RTL9: variants seen among roughly 807,000 people sequenced by gnomAD.
RTL9 encodes retrotransposon Gag like 9.
RTL9 carries 19 observed loss-of-function variants against 44.7 expected under a neutral mutation model. The observed-to-expected ratio is 0.42, with a 90% CI of 0.30 to 0.62. RTL9 has a LOEUF of 0.62. Ranked by LOEUF, RTL9 falls within the 20% of genes least tolerant of loss-of-function variation. The pLI, the probability that RTL9 is intolerant of heterozygous loss-of-function variation, is 0.16. For synonymous variants in RTL9, 407 were observed against 398.9 expected, an observed-to-expected ratio of 1.02 and a Z score of -0.24; for missense variants, 1,105 against 1,080.6, an observed-to-expected ratio of 1.02 and a Z score of -0.32.
chrX:110,393,496 C>G (rs2068508419), intron 1 of RTL9, among the ~76,000 whole-genome samples: 1 of 111,668 alleles, frequency 9.0e-6, no homozygotes, highest in Non-Finnish European at 1.9e-5. Flanking sequence ...GGTCACACAA[C>G]CAGGAAGAGC....
exon 1 of RTL9, chrX:110,454,536 A>T (rs1311536858): frequency 2.5e-6 from 3 of 1,211,875 alleles, no homozygotes; most frequent in Admixed American, 2.2e-5. Context: ...GTCTCTGTAC[A>T]CCGAGTGCCA....
At chrX:110,369,164 C>T (rs890012919) in intron 1 of RTL9, among the ~76,000 whole-genome samples, 1 of 110,933 alleles carries the variant, frequency 9.0e-6, no homozygotes, top group East Asian at 2.8e-4. Flanking sequence ...AACCCCGTCT[C>T]TACTAAAAAT....
At chrX:110,436,974 C>T (rs900769300) in intron 1 of RTL9, among the ~76,000 whole-genome samples, 1 of 112,033 alleles carries the variant, frequency 8.9e-6, no homozygotes, top group Non-Finnish European at 1.9e-5. Flanking sequence ...CCTTCTGGAC[C>T]CTGATCTCCC....
At chrX:110,388,291 T>C (rs1321905257) in intron 1 of RTL9, among the ~76,000 whole-genome samples, 1 of 112,217 alleles carries the variant, frequency 8.9e-6, no homozygotes, top group African/African-American at 3.2e-5. Context: ...TCAGGTGGTA[T>C]TTGTTATTGA....
At chrX:110,442,155 A>G (rs1176357670) in intron 1 of RTL9, among the ~76,000 whole-genome samples, 2 of 109,210 alleles carry the variant, frequency 1.8e-5, no homozygotes, top group Non-Finnish European at 3.8e-5. Context: ...CACGTGCCTC[A>G]CCTACAGGGA....
rs750543808 is a variant in RTL9 at position 110,452,931 on chromosome X, A to G, written c.2314A>G (p.Met772Val). 5.8e-6 allele frequency: 7 copies of G among 1,210,160 alleles called. No individual in the cohort carries two copies. The African/African-American group carries it at 1.0e-4, about 18-fold the overall frequency. ...CTCTGAAACAATGTCCACACCACTA[A>G]TGAGAACCTCAGACCCTGGAGAGAG... Residue 772 changes from methionine to valine, a missense_variant, in exon 1 of 2, where the codon ATG (methionine) becomes GTG (valine). Met to Val is a conservative substitution (Grantham distance 21, BLOSUM62 1). Transcript: ENST00000540313.
chrX:110,440,595 A>T (rs1316941754), intron 1 of RTL9, among the ~76,000 whole-genome samples: 1 of 111,855 alleles, frequency 8.9e-6, no homozygotes, highest in Non-Finnish European at 1.9e-5. Context: ...GGTCCTAAGG[A>T]TGCTGTTTTC....
chrX:110,428,716 G>C (rs138409767), intron 1 of RTL9, among the ~76,000 whole-genome samples: 1,475 of 111,171 alleles, frequency 0.013, 17 homozygotes, highest in African/African-American at 0.046. Context: ...TGGAATTCCA[G>C]ATCCTTCCTT....
intron 1 of RTL9, among the ~76,000 whole-genome samples, chrX:110,411,676 A>G (rs1222836665): frequency 8.9e-6 from 1 of 112,507 alleles, no homozygotes. Flanking sequence ...CATATAAACC[A>G]GGATAAAGTC....
chrX:110,410,932 T>C (rs774966409), intron 1 of RTL9, among the ~76,000 whole-genome samples: 2 of 112,377 alleles, frequency 1.8e-5, no homozygotes, highest in Non-Finnish European at 3.8e-5. Context: ...GCCAAATCTC[T>C]TTATTTAAAA....
chrX:110,381,999 T>C (rs192498552), intron 1 of RTL9, among the ~76,000 whole-genome samples: 15 of 110,918 alleles, frequency 1.4e-4, no homozygotes, highest in Non-Finnish European at 9.4e-5. Context: ...ACCCCCTGAA[T>C]CTAAAATAAA....
chrX:110,452,923 C>T, exon 1 of RTL9: 5 of 1,211,925 alleles, frequency 4.1e-6, no homozygotes, highest in Non-Finnish European at 5.6e-6. Context: ...ACAATGTCCA[C>T]ACCACTAATG....
At chrX:110,366,943 A>G (rs1380897320) in intron 1 of RTL9, among the ~76,000 whole-genome samples, 2 of 110,874 alleles carry the variant, frequency 1.8e-5, no homozygotes, top group East Asian at 2.8e-4. Context: ...TTGTTTCTAC[A>G]TTTTCCCTTT....
intron 1 of RTL9, among the ~76,000 whole-genome samples, chrX:110,438,580 C>T (rs938686022): frequency 3.5e-4 from 39 of 111,386 alleles, no homozygotes; most frequent in African/African-American, 1.2e-3. Flanking sequence ...AGCAAACAGG[C>T]GGTAGTGAAG....
rs189030845 is a variant in RTL9 at position 110,413,260 on chromosome X, G to A, written c.-167-31893G>A. On this transcript the variant is annotated intron_variant, in intron 1 of 2. Transcript: ENST00000520821. ...TTACAGAGCACTATTGTCTACCTCC[G>A]GGCCTGGAAGTGCTGAAACCTGAGT... Among the ~76,000 whole-genome samples, 419 of 111,054 alleles carry A rather than the reference G, an allele frequency of 3.8e-3. 2 individuals are homozygous for A. Among genetic ancestry groups the A allele is most frequent in the Admixed American group, 5.7e-3 (60 of 10,486 alleles).
intron 1 of RTL9, among the ~76,000 whole-genome samples, chrX:110,377,836 C>T (rs1426422632): frequency 4.6e-5 from 5 of 107,767 alleles, no homozygotes; most frequent in African/African-American, 1.7e-4. Flanking sequence ...GGTGAAACCC[C>T]GTCTCTACTA....
chrX:110,451,764 G>A (rs1005978898), exon 1 of RTL9: 6 of 1,211,735 alleles, frequency 5.0e-6, no homozygotes, highest in Non-Finnish European at 6.7e-6. Context: ...TGTAGACTCT[G>A]AAATGATGTC....
At chrX:110,393,572 T>G (rs1164587569) in intron 1 of RTL9, among the ~76,000 whole-genome samples, 1 of 111,945 alleles carries the variant, frequency 8.9e-6, no homozygotes, top group African/African-American at 3.2e-5. Flanking sequence ...CATATCATCA[T>G]CCCACTGGTG....
At chrX:110,452,803 G>A in exon 1 of RTL9, 1 of 1,212,018 alleles carries the variant, frequency 8.3e-7, no homozygotes, top group Non-Finnish European at 1.1e-6. Flanking sequence ...CAAGATCCTG[G>A]AGGGATGTCC....
Sources: gnomAD v4.1 joint callset for allele counts (sites outside exome capture counted in the v4.1 genomes callset) on GRCh38, gnomAD v4.1.1 for gene constraint, MANE v1.5 for transcripts, NCBI Gene and HGNC (gene_info 2026-07-23, HGNC 2026-07-21) for gene names.